The following PUDP variants were observed in gnomAD, a reference collection of about 807,000 sequenced individuals.
PUDP encodes the protein pseudouridine 5'-phosphatase.
PUDP carries 8 observed loss-of-function variants against 9.4 expected under a neutral mutation model. The ratio of observed to expected loss-of-function variants is 0.85; its 90% CI spans 0.50 to 1.53. The LOEUF is 1.53. Ranked by LOEUF, PUDP falls within the 40% of genes most tolerant of loss-of-function variation. The pLI is 0.00. For synonymous variants in PUDP, 99 were observed against 80.7 expected, an observed-to-expected ratio of 1.23 and a Z score of -1.22; for missense variants, 188 against 189.7, an observed-to-expected ratio of 0.99 and a Z score of 0.05.
At chrX:7,045,106 C>T (rs1214241518), downstream of PUDP, among the ~76,000 whole-genome samples, 1 of 112,280 alleles carries the variant, frequency 8.9e-6, no homozygotes, top group Non-Finnish European at 1.9e-5. Flanking sequence ...TGGTTTCCCC[C>T]ATGCTGTTCT....
At chrX:6,819,451 A>G (rs1926302420) in intron 3 of PUDP, among the ~76,000 whole-genome samples, 1 of 112,412 alleles carries the variant, frequency 8.9e-6, no homozygotes, top group Admixed American at 9.4e-5. Flanking sequence ...CTGCAACACA[A>G]AATGGTCCTT....
intron 3 of PUDP, among the ~76,000 whole-genome samples, chrX:6,789,880 T>C (rs1391505855): frequency 9.0e-6 from 1 of 110,581 alleles, no homozygotes; most frequent in African/African-American, 3.3e-5. Context: ...AGATGATAGA[T>C]ATATATCAGC....
chrX:7,081,687 T>C (rs1363794978), intron 2 of PUDP, among the ~76,000 whole-genome samples: 2 of 113,134 alleles, frequency 1.8e-5, no homozygotes, highest in Non-Finnish European at 3.7e-5. Flanking sequence ...GACAAGACTA[T>C]GACCACAGTC....
chrX:6,829,137 A>C (rs1241753794), intron 3 of PUDP, among the ~76,000 whole-genome samples: 1 of 111,386 alleles, frequency 9.0e-6, no homozygotes, highest in African/African-American at 3.3e-5. Flanking sequence ...CAGATGCAGA[A>C]TGTGCCATGA....
chrX:7,116,951 C>T (rs759957120), intron 1 of PUDP: 93 of 1,163,796 alleles, frequency 8.0e-5, no homozygotes, highest in Non-Finnish European at 1.0e-4. Flanking sequence ...ATGTTACATG[C>T]CTGCTCCTGC....
intron 1 of PUDP, among the ~76,000 whole-genome samples, chrX:7,129,506 T>C (rs982100828): frequency 9.0e-6 from 1 of 111,701 alleles, no homozygotes; most frequent in Non-Finnish European, 1.9e-5. Context: ...GAGCCCAAGG[T>C]TGCTCAGCAT....
intron 1 of PUDP, among the ~76,000 whole-genome samples, chrX:7,039,295 C>T (rs1201834236): frequency 9.0e-6 from 1 of 111,531 alleles, no homozygotes; most frequent in Non-Finnish European, 1.9e-5. Context: ...TTGAAGCAAC[C>T]ATCAACAAGG....
At chrX:6,763,704 T>C in intron 3 of PUDP, among the ~76,000 whole-genome samples, 1 of 111,993 alleles carries the variant, frequency 8.9e-6, no homozygotes, top group Non-Finnish European at 1.9e-5. Context: ...AATAACATTG[T>C]TGTGAATGTT....
intron 3 of PUDP, among the ~76,000 whole-genome samples, chrX:6,831,175 A>T (rs1926498760): frequency 8.9e-6 from 1 of 111,754 alleles, no homozygotes; most frequent in African/African-American, 3.3e-5. Flanking sequence ...GTTGCAGCCG[A>T]TCTATCAAGT....
chrX:6,957,777 G>T (rs755206772), intron 3 of PUDP, among the ~76,000 whole-genome samples: 1 of 112,117 alleles, frequency 8.9e-6, no homozygotes, highest in Non-Finnish European at 1.9e-5. Context: ...TCTGATGAAG[G>T]CTCAGAAAAG....
At chrX:7,148,019 C>T (rs1375597005) in intron 1 of PUDP, 34 bp downstream of exon 1, 2 of 1,099,956 alleles carry the variant, frequency 1.8e-6, no homozygotes, top group Non-Finnish European at 1.2e-6. Flanking sequence ...CACAAGACCG[C>T]CCTTACTGGA....
At chrX:6,822,696 T>G (rs1276798013) in intron 3 of PUDP, among the ~76,000 whole-genome samples, 1 of 110,107 alleles carries the variant, frequency 9.1e-6, no homozygotes, top group African/African-American at 3.3e-5. Context: ...AAGTGTTTTT[T>G]TTTTTTTTTT....
intron 3 of PUDP, among the ~76,000 whole-genome samples, chrX:6,886,975 C>G (rs1395504795): frequency 9.4e-6 from 1 of 106,381 alleles, no homozygotes; most frequent in Non-Finnish European, 1.9e-5. Context: ...AAACATGCAG[C>G]TCCAAATATA....
intron 3 of PUDP, among the ~76,000 whole-genome samples, chrX:6,789,488 T>A (rs113953695): frequency 2.8e-5 from 3 of 108,888 alleles, no homozygotes; most frequent in Admixed American, 2.0e-4. Context: ...GAGGGTTTTT[T>A]AAAAAGCAGG....
intron 3 of PUDP, among the ~76,000 whole-genome samples, chrX:6,812,871 A>T (rs1926166353): frequency 8.9e-6 from 1 of 112,058 alleles, no homozygotes; most frequent in South Asian, 3.7e-4. Context: ...AAGTGTGAGG[A>T]TCACTTGAGC....
At chrX:6,988,774 G>A (rs1033534848) in intron 1 of PUDP, among the ~76,000 whole-genome samples, 6 of 111,265 alleles carry the variant, frequency 5.4e-5, no homozygotes, top group African/African-American at 2.0e-4. Context: ...AAAGGGTCCT[G>A]TTAAGATTTC....
At chrX:6,747,452 T>C (rs1245893577) in intron 3 of PUDP, among the ~76,000 whole-genome samples, 1 of 112,546 alleles carries the variant, frequency 8.9e-6, no homozygotes, top group African/African-American at 3.2e-5. Context: ...CAATTAACTA[T>C]ACATATCATT....
At chrX:6,845,266 G>A (rs3924354) in intron 3 of PUDP, among the ~76,000 whole-genome samples, 10,795 of 111,406 alleles carry the variant, frequency 0.097, 619 homozygotes, top group East Asian at 0.46. Flanking sequence ...GAGTCCTTAT[G>A]TAAAAATAAA....
intron 3 of PUDP, among the ~76,000 whole-genome samples, chrX:6,779,168 G>A (rs986237214): frequency 1.8e-5 from 2 of 111,933 alleles, no homozygotes; most frequent in Admixed American, 9.4e-5. Flanking sequence ...GAACGCCGCC[G>A]GGGGTTCACA....
Sources: allele counts gnomAD v4.1 joint callset (sites outside exome capture counted in the v4.1 genomes callset), GRCh38; gene constraint gnomAD v4.1.1; transcripts MANE v1.5; gene names NCBI Gene and HGNC (gene_info 2026-07-23, HGNC 2026-07-21).